FHIT: variants seen among roughly 807,000 people sequenced by gnomAD.
The protein encoded by FHIT is bis(5'-adenosyl)-triphosphatase.
FHIT carries 19 observed loss-of-function variants against 17.9 expected under a neutral mutation model. That is an observed-to-expected ratio of 1.06 (90% confidence interval 0.74 to 1.56). FHIT has a LOEUF of 1.56. FHIT is among the 40% of genes most tolerant of loss of function. The pLI, the probability that FHIT is intolerant of heterozygous loss-of-function variation, is 0.00. For synonymous variants in FHIT, 81 were observed against 69.7 expected (o/e 1.16, Z -0.81); for missense variants, 248 against 189.2 (o/e 1.31, Z -1.82).
chr3:60,109,634 C>T lies in FHIT; in HGVS notation c.104-95482G>A, dbSNP rs564758811. On this transcript the variant is annotated intron_variant, in intron 5 of 9. Coordinates refer to ENST00000492590, the MANE Select transcript of FHIT (RefSeq NM_002012.4). ...AACAGAAGCAAGTGGTTAATGGTTT[C>T]CTTAAATGCGGCAGAAAATGGCTTA... Among the ~76,000 whole-genome samples, 104 of 152,242 alleles carry T rather than the reference C, an allele frequency of 6.8e-4. 2 individuals carry two copies. The highest frequency in any genetic ancestry group is 6.0e-4 in the Non-Finnish European group (41 of 68,016).
intron 4 of FHIT, among the ~76,000 whole-genome samples, chr3:60,735,430 T>G (rs2042115284): frequency 6.6e-6 from 1 of 152,202 alleles, no homozygotes. Flanking sequence ...GATGAATGAT[T>G]CAGGGAGCCA....
intron 3 of FHIT, among the ~76,000 whole-genome samples, chr3:61,005,872 T>G (rs1295169080): frequency 6.6e-6 from 1 of 152,072 alleles, no homozygotes; most frequent in African/African-American, 2.4e-5. Flanking sequence ...TCTCAGCAAG[T>G]CTTCTTTTGA....
chr3:60,263,077 A>C lies in FHIT; in HGVS notation c.104-248925T>G, dbSNP rs1706385613. Among the ~76,000 whole-genome samples, 5 of 152,064 alleles carry C rather than the reference A, an allele frequency of 3.3e-5. No homozygotes were observed. In the South Asian group the frequency reaches 1.0e-3, roughly 31 times the overall value. ...ACCCAAAATGACATCGTACAAAAGA[A>C]AACATAATTACAGGAAAAAAATGCT... On this transcript the variant is annotated intron_variant, in intron 5 of 9. Coordinates refer to ENST00000492590, the MANE Select transcript of FHIT (RefSeq NM_002012.4).
chr3:60,180,214 C>T (rs552984851), intron 5 of FHIT, among the ~76,000 whole-genome samples: 1 of 152,216 alleles, frequency 6.6e-6, no homozygotes, highest in Admixed American at 6.5e-5. Context: ...CTAGGAAGAT[C>T]ACGGGCAGCA....
At chr3:60,323,131 CA>C (rs1365094497) in intron 5 of FHIT, among the ~76,000 whole-genome samples, 1 of 151,840 alleles carries the variant, frequency 6.6e-6, no homozygotes. Context: ...GTCTTAAAAC[CA>C]AATTGTTAAG....
intron 4 of FHIT, among the ~76,000 whole-genome samples, chr3:60,711,711 G>T (rs2041537903): frequency 6.6e-6 from 1 of 152,164 alleles, no homozygotes; most frequent in Non-Finnish European, 1.5e-5. Context: ...GAAGTGAGAA[G>T]GGAAGTTTAG....
In FHIT at chr3:60,860,925, A is replaced by G. The variant is rs185984226; in HGVS notation, c.-110-38914T>C. ...TATATCATGTATATATGATACATATATACGTATATATCATGTATATATGAT... is the reference window on the plus strand; with the variant it reads ...TATATCATGTATATATGATACATATGTACGTATATATCATGTATATATGAT... On this transcript the variant is annotated intron_variant, in intron 3 of 9. Transcript: ENST00000492590. 5.6e-4 allele frequency among the ~76,000 whole-genome samples: 55 copies of G among 97,638 alleles called. 5 individuals are homozygous for G. The highest frequency in any genetic ancestry group is 1.7e-3 in the African/African-American group (40 of 23,282). 64.1% of individuals were successfully genotyped at this position (97,638 alleles called of 152,430 possible).
intron 5 of FHIT, among the ~76,000 whole-genome samples, chr3:60,035,255 A>G (rs1701166919): frequency 6.6e-6 from 1 of 152,136 alleles, no homozygotes; most frequent in South Asian, 2.1e-4. Flanking sequence ...GCCACCATGC[A>G]GCAAAAAGAT....
intron 3 of FHIT, among the ~76,000 whole-genome samples, chr3:60,957,537 C>T (rs1709231759): frequency 6.8e-6 from 1 of 146,330 alleles, no homozygotes. Context: ...GCGCCGGGCC[C>T]ATCTTCTTTT....
At chr3:59,852,446 C>T (rs990415170) in intron 8 of FHIT, among the ~76,000 whole-genome samples, 4 of 152,104 alleles carry the variant, frequency 2.6e-5, no homozygotes, top group African/African-American at 9.7e-5. Context: ...ATATCCCCTG[C>T]CCCACATATG....
intron 2 of FHIT, among the ~76,000 whole-genome samples, chr3:61,184,829 C>A (rs1270151336): frequency 6.6e-6 from 1 of 152,170 alleles, no homozygotes; most frequent in Non-Finnish European, 1.5e-5. Context: ...CTCTAATGAA[C>A]ACGCTGTGTT....
intron 5 of FHIT, among the ~76,000 whole-genome samples, chr3:60,051,939 G>C (rs1701896777): frequency 6.6e-6 from 1 of 152,170 alleles, no homozygotes; most frequent in Non-Finnish European, 1.5e-5. Flanking sequence ...CATTGGAACA[G>C]GGCAAGAATA....
chr3:61,099,050 T>C (rs545985706), intron 2 of FHIT, among the ~76,000 whole-genome samples: 1 of 152,186 alleles, frequency 6.6e-6, no homozygotes, highest in African/African-American at 2.4e-5. Flanking sequence ...ATGTTGGCTG[T>C]CTGTTTGCCA....
At chr3:60,045,118 G>C (rs367572929) in intron 5 of FHIT, among the ~76,000 whole-genome samples, 32 of 152,152 alleles carry the variant, frequency 2.1e-4, no homozygotes, top group Non-Finnish European at 4.1e-4. Context: ...CGTAAGATGA[G>C]TGAGTTCTGA....
rs758009862 is a variant in FHIT, at chr3:59,922,330, G to C, written c.348+16C>G. ...TCCCCGTGATCAAACAATAAGATCA[G>C]AGAGAACAGACCCACCTCCTCATAG... On this transcript the variant is annotated intron_variant, in intron 8 of 9. Transcript: ENST00000492590. 2 of 1,606,434 alleles carry C rather than the reference G, an allele frequency of 1.2e-6. No homozygotes were observed. The highest frequency in any genetic ancestry group is 1.7e-6 in the Non-Finnish European group (2 of 1,173,256).
At position 59,769,616 on chromosome 3, in the gene FHIT, A is replaced by C. The variant is rs193075747; in HGVS notation, c.349-17295T>G. ...GATTTTCTGAGCATTAGTCTAATTA[A>C]CTTAAACTTGATAATTATGTTTCGG... On this transcript the variant is annotated intron_variant, in intron 8 of 9. Transcript: ENST00000492590. 8.8e-4 allele frequency among the ~76,000 whole-genome samples: 134 copies of C among 152,334 alleles called. 1 individual carries two copies. Among genetic ancestry groups the C allele is most frequent in the African/African-American group, 2.8e-3 (118 of 41,564 alleles).
chr3:60,774,575 C>T (rs574012540), intron 4 of FHIT, among the ~76,000 whole-genome samples: 1 of 152,298 alleles, frequency 6.6e-6, no homozygotes, highest in African/African-American at 2.4e-5. Context: ...AGTGGGATTA[C>T]AGGCATGAGC....
At chr3:60,385,261 G>C (rs898240828) in intron 5 of FHIT, among the ~76,000 whole-genome samples, 2 of 152,178 alleles carry the variant, frequency 1.3e-5, no homozygotes, top group African/African-American at 4.8e-5. Flanking sequence ...CTATGGTGGA[G>C]AAGCATCCAC....
In FHIT at chr3:59,994,523, T is replaced by C. The variant is rs1043468859; in HGVS notation, c.279+16848A>G. Among the ~76,000 whole-genome samples the C allele has an allele frequency of 2.6e-5, 4 of 152,156 alleles. No homozygotes were observed. The East Asian group carries it at 7.7e-4, about 29-fold the overall frequency. Reference sequence around the variant, plus strand: ...TAGGAACAAACTCTTCTTGCAGCTCTGGTAATGCAACACTTCTGAAAGAAC... The same window carrying C: ...TAGGAACAAACTCTTCTTGCAGCTCCGGTAATGCAACACTTCTGAAAGAAC... On this transcript the variant is annotated intron_variant, in intron 7 of 9. Coordinates refer to ENST00000492590, the MANE Select transcript of FHIT (RefSeq NM_002012.4).
Sources: allele counts gnomAD v4.1 joint callset (sites outside exome capture counted in the v4.1 genomes callset), GRCh38; gene constraint gnomAD v4.1.1; transcripts MANE v1.5; gene names NCBI Gene and HGNC (gene_info 2026-07-23, HGNC 2026-07-21).